Variants in PHACTR3 observed in about 807,000 individuals in gnomAD.
PHACTR3 encodes the protein protein phosphatase 1, regulatory subunit 123.
PHACTR3 carries 16 observed loss-of-function variants against 66.8 expected under a neutral mutation model. The ratio of observed to expected loss-of-function variants is 0.24; its 90% CI spans 0.16 to 0.36. The LOEUF (loss-of-function observed/expected upper bound fraction) is 0.36. Among genes scored for constraint, PHACTR3 ranks in the 10% least tolerant of loss-of-function variants. The pLI is 1.00. For missense variants in PHACTR3, 647 were observed against 719.9 expected (o/e 0.90, Z 1.16); for synonymous variants, 323 against 292.1 (o/e 1.11, Z -1.08).
At position 59,830,328 on chromosome 20, in the gene PHACTR3, TGTGA is replaced by T. The variant is rs1267966519; in HGVS notation, c.1329-6174_1329-6171del. 4.0e-5 allele frequency among the ~76,000 whole-genome samples: 6 copies of T among 150,162 alleles called. No individual in the cohort carries two copies. The highest frequency in any genetic ancestry group is 7.4e-5 in the African/African-American group (3 of 40,426). ...AGTGTGAGTAGATGATGAAAGAAGG[TGTGA>T]GTATTTGATGGAGGAGGGTGTGTCT... On this transcript the variant is annotated intron_variant, in intron 8 of 12. Transcript: ENST00000371015. The surrounding 1 kb of genome is among the most constrained non-coding windows in gnomAD (Gnocchi z 5.8).
At chr20:59,780,452 T>C (rs76835174) in intron 7 of PHACTR3, among the ~76,000 whole-genome samples, 3,210 of 152,296 alleles carry the variant, frequency 0.021, 118 homozygotes, top group African/African-American at 0.073. Context: ...CACTTTCTCA[T>C]AGGTGGTGCC....
chr20:59,781,513 G>A lies in PHACTR3; in HGVS notation c.1174+7023G>A, dbSNP rs188685623. On this transcript the variant is annotated intron_variant, in intron 7 of 12. Transcript: ENST00000371015. The stretch of plus-strand genomic sequence containing the variant: ...CCCCTTGTCAGGTTGTCCTGGGGGC[G>A]GATGAGACAACGCTCATGGAGGGCC... Among the ~76,000 whole-genome samples the A allele has an allele frequency of 5.1e-3, 782 of 152,324 alleles. 5 individuals are homozygous for A. The highest frequency in any genetic ancestry group is 0.016 in the African/African-American group (685 of 41,570).
chr20:59,739,002 G>A (rs2039052936), intron 1 of PHACTR3, among the ~76,000 whole-genome samples: 1 of 152,102 alleles, frequency 6.6e-6, no homozygotes. Context: ...AAGGAAAGGA[G>A]AGGATGAGAA....
intron 1 of PHACTR3, among the ~76,000 whole-genome samples, chr20:59,726,911 G>A (rs1291442225): frequency 6.6e-6 from 1 of 152,072 alleles, no homozygotes; most frequent in Admixed American, 6.6e-5. Flanking sequence ...TTCCTGCACT[G>A]TGTTTTGTCT....
intron 7 of PHACTR3, among the ~76,000 whole-genome samples, chr20:59,793,263 CA>C (rs1473442113): frequency 1.3e-5 from 2 of 152,152 alleles, no homozygotes; most frequent in East Asian, 1.9e-4. Context: ...TGTAAATATT[CA>C]GTGTCTTTTG....
intron 1 of PHACTR3, among the ~76,000 whole-genome samples, chr20:59,583,809 T>G (rs1425637225): frequency 6.6e-6 from 1 of 152,212 alleles, no homozygotes; most frequent in Non-Finnish European, 1.5e-5. Context: ...CAGGGGGAGT[T>G]GCCCTTTGGA....
intron 1 of PHACTR3, among the ~76,000 whole-genome samples, chr20:59,627,306 C>G (rs1287863268): frequency 6.6e-6 from 1 of 152,176 alleles, no homozygotes; most frequent in African/African-American, 2.4e-5. Flanking sequence ...TGAGATACCT[C>G]CCAAATAAGC....
At chr20:59,774,192 G>C (rs761483151) in intron 6 of PHACTR3, 51 bp from the exon 7 acceptor site, 3 of 1,523,716 alleles carry the variant, frequency 2.0e-6, no homozygotes, top group South Asian at 2.7e-5. Context: ...ATCGTGCTGG[G>C]TTTCTGGGTG....
intron 1 of PHACTR3, among the ~76,000 whole-genome samples, chr20:59,629,377 C>T (rs1395628493): frequency 6.6e-6 from 1 of 152,240 alleles, no homozygotes; most frequent in Admixed American, 6.5e-5. Context: ...CTTCTCCCTC[C>T]GCTGTTCTGG....
chr20:59,835,282 G>GGGA (rs10654110), intron 8 of PHACTR3, among the ~76,000 whole-genome samples: 7,737 of 152,116 alleles, frequency 0.051, 590 homozygotes, highest in African/African-American at 0.16. Flanking sequence ...ATTGTCAGGG[G>GGGA]GGGAGGTTCA....
intron 1 of PHACTR3, among the ~76,000 whole-genome samples, chr20:59,612,676 G>A (rs2033892631): frequency 6.6e-6 from 1 of 152,160 alleles, no homozygotes; most frequent in Non-Finnish European, 1.5e-5. Context: ...AAGCCACCGC[G>A]CCTGGCTGAC....
intron 8 of PHACTR3, among the ~76,000 whole-genome samples, chr20:59,828,876 G>T (rs1600729573): frequency 6.6e-6 from 1 of 152,126 alleles, no homozygotes; most frequent in Admixed American, 6.5e-5. Flanking sequence ...CAGTGTGGAA[G>T]TCTCCATCAT....
intron 1 of PHACTR3, among the ~76,000 whole-genome samples, chr20:59,658,684 C>T (rs142901856): frequency 1.3e-5 from 2 of 152,168 alleles, no homozygotes; most frequent in Non-Finnish European, 2.9e-5. Flanking sequence ...TGGTATCATA[C>T]CAAGCTATTA....
chr20:59,845,548 C>T (rs897780086), intron 12 of PHACTR3, among the ~76,000 whole-genome samples: 22 of 152,126 alleles, frequency 1.4e-4, no homozygotes, highest in Non-Finnish European at 5.9e-5. Context: ...AGTAATTTTT[C>T]TGTGTATTTA....
At chr20:59,598,830 G>T (rs1043799479) in intron 1 of PHACTR3, among the ~76,000 whole-genome samples, 2 of 152,184 alleles carry the variant, frequency 1.3e-5, no homozygotes, top group African/African-American at 4.8e-5. Flanking sequence ...GTGACCAGCA[G>T]AGGGCGCGGC....
chr20:59,600,262 CTG>C (rs2033438326), upstream of PHACTR3, among the ~76,000 whole-genome samples: 1 of 152,230 alleles, frequency 6.6e-6, no homozygotes, highest in African/African-American at 2.4e-5. Context: ...ATGCTGCACT[CTG>C]TACTCATTGA....
At chr20:59,597,704 T>C (rs762031231) in intron 1 of PHACTR3, among the ~76,000 whole-genome samples, 1 of 152,212 alleles carries the variant, frequency 6.6e-6, no homozygotes, top group Non-Finnish European at 1.5e-5. Flanking sequence ...GCCAGCAGGA[T>C]GTTTGGTCCC....
chr20:59,732,123 G>A (rs2038786174), intron 1 of PHACTR3, among the ~76,000 whole-genome samples: 1 of 152,104 alleles, frequency 6.6e-6, no homozygotes, highest in Admixed American at 6.5e-5. Flanking sequence ...ATATGCACTG[G>A]GGCTCTCATG....
In PHACTR3 at chr20:59,836,364, C is replaced by G. The variant is rs7268766; in HGVS notation, c.1329-141C>G. 5.1e-3 allele frequency: 3,454 copies of G among 675,058 alleles called. 85 individuals carry two copies. The African/African-American group carries it at 0.054, about 10-fold the overall frequency. The allele number at this position is 675,058 out of a possible 1,614,324, so 41.8% of individuals were successfully genotyped here. A position where few individuals can be genotyped will look rare whatever the true frequency, so the allele number is the denominator to read the frequency against. On this transcript the variant is annotated intron_variant, in intron 8 of 12. Coordinates refer to ENST00000371015, the MANE Select transcript of PHACTR3 (RefSeq NM_080672.5). ...TGATTTTGCCAGCAAGAGGCAACAA[C>G]CAAAGGTTCACTTTCTCTCCTTCCA...
Sources: allele counts gnomAD v4.1 joint callset (sites outside exome capture counted in the v4.1 genomes callset), GRCh38; gene constraint gnomAD v4.1.1; non-coding constraint Gnocchi (gnomAD v3.1); transcripts MANE v1.5; gene names NCBI Gene and HGNC (gene_info 2026-07-23, HGNC 2026-07-21).